Variants in ATE1 observed in about 807,000 individuals in gnomAD.
ATE1 encodes the protein arginyltransferase 1.
Under a neutral mutation model 70.5 loss-of-function variants are expected in ATE1, and 36 were observed. The observed-to-expected ratio is 0.51, with a 90% CI of 0.39 to 0.67. ATE1 has a LOEUF of 0.67. Among genes scored for constraint, ATE1 ranks in the 30% least tolerant of loss-of-function variants. ATE1 has a pLI of 0.00. For synonymous variants in ATE1, 232 were observed against 219.3 expected, an observed-to-expected ratio of 1.06 and a Z score of -0.51; for missense variants, 593 against 629.5, an observed-to-expected ratio of 0.94 and a Z score of 0.62.
chr10:121,857,814 A>C (rs1278020747), intron 8 of ATE1, among the ~76,000 whole-genome samples: 1 of 152,154 alleles, frequency 6.6e-6, no homozygotes, highest in Non-Finnish European at 1.5e-5. Flanking sequence ...TCCAAGACAG[A>C]AACTACGTAC....
intron 11 of ATE1, among the ~76,000 whole-genome samples, chr10:121,770,042 T>C (rs1945438007): frequency 6.6e-6 from 1 of 152,198 alleles, no homozygotes; most frequent in Non-Finnish European, 1.5e-5. Context: ...TAAAAACCTG[T>C]AGACAAATGT....
At chr10:121,854,828 G>A (rs918549095) in intron 8 of ATE1, among the ~76,000 whole-genome samples, 2 of 152,102 alleles carry the variant, frequency 1.3e-5, no homozygotes, top group Admixed American at 1.3e-4. Flanking sequence ...AGAAAGCAAG[G>A]CCCAATACAG....
intron 3 of ATE1, among the ~76,000 whole-genome samples, 156 bp downstream of exon 3, chr10:121,922,193 C>T (rs1433346984): frequency 6.6e-6 from 1 of 152,084 alleles, no homozygotes; most frequent in Non-Finnish European, 1.5e-5. Context: ...ATAAATACAG[C>T]ATCAGTATGA....
chr10:121,760,115 A>G (rs889067345), intron 11 of ATE1, among the ~76,000 whole-genome samples: 3 of 152,216 alleles, frequency 2.0e-5, no homozygotes, highest in Non-Finnish European at 1.5e-5. Flanking sequence ...ATTCCTTACC[A>G]AATACTGCTC....
Position 121,927,967 on chromosome 10 carries a change from C to T in ATE1, c.-18G>A. 3.3e-6 allele frequency: 5 copies of T among 1,507,382 alleles called. No homozygotes were observed. The highest frequency in any genetic ancestry group is 4.4e-6 in the Non-Finnish European group (5 of 1,127,756). The allele number at this position is 1,507,382 out of a possible 1,614,324, so 93.4% of individuals were successfully genotyped here. A position where few individuals can be genotyped will look rare whatever the true frequency, so the allele number is the denominator to read the frequency against. On this transcript the variant is annotated 5_prime_UTR_variant, in exon 1 of 12. Transcript: ENST00000224652. ...AAAGCCATGGCCTCGGCCCCGCGAA[C>T]GCTCAGCCGCCCGGCCCCGCGTCGC...
chr10:121,894,919 A>T (rs1195634200), intron 7 of ATE1, among the ~76,000 whole-genome samples: 1 of 152,070 alleles, frequency 6.6e-6, no homozygotes, highest in Non-Finnish European at 1.5e-5. Context: ...AATAAATAAA[A>T]AATAAAATGA....
At chr10:121,875,339 T>C (rs904799135) in intron 7 of ATE1, among the ~76,000 whole-genome samples, 4 of 146,002 alleles carry the variant, frequency 2.7e-5, no homozygotes, top group African/African-American at 1.0e-4. Flanking sequence ...AGTCTTGCTC[T>C]TGTCCCCCAG....
rs1454207068 is a variant in ATE1 at position 121,741,099 on chromosome 10, T to A, written c.*2581A>T. On this transcript the variant is annotated 3_prime_UTR_variant, in exon 12 of 12. Transcript: ENST00000224652. The stretch of plus-strand genomic sequence containing the variant: ...ATTGCAAATGCAAAGCTTCCTGCCT[T>A]GGAAAGATATAAACTGTCTTTGAAA... The A allele has an allele frequency of 6.6e-6, 1 of 152,208 alleles. No homozygotes were observed. Among genetic ancestry groups the A allele is most frequent in the African/African-American group, 2.4e-5 (1 of 41,466 alleles). The allele number at this position is 152,208 out of a possible 1,614,324, so 9.4% of individuals were successfully genotyped here.
Position 121,767,070 on chromosome 10 carries a change from T to C in ATE1, c.1378+23099A>G, listed in dbSNP as rs186533855. ...CAGAACTCAGTAACATACAGAAGAA[T>C]TACACACCATGACCAGCAGGGCTTA... On this transcript the variant is annotated intron_variant, in intron 11 of 11. Transcript: ENST00000224652. Among the ~76,000 whole-genome samples, 9 of 152,230 alleles carry C rather than the reference T, an allele frequency of 5.9e-5. No individual in the cohort carries two copies. In the East Asian group the frequency reaches 1.4e-3, roughly 23 times the overall value.
At chr10:121,771,953 A>G (rs1295718373) in intron 11 of ATE1, among the ~76,000 whole-genome samples, 1 of 152,216 alleles carries the variant, frequency 6.6e-6, no homozygotes, top group African/African-American at 2.4e-5. Context: ...TAACCATTTA[A>G]AAGTGGTGCT....
At chr10:121,790,406 GT>G in intron 10 of ATE1, 117 bp from the exon 11 acceptor site, 1 of 1,315,790 alleles carries the variant, frequency 7.6e-7, no homozygotes. Context: ...ACCAGAAACT[GT>G]TTTACTGTAA....
At chr10:121,745,605 T>C (rs1006110061) in intron 11 of ATE1, among the ~76,000 whole-genome samples, 1 of 152,068 alleles carries the variant, frequency 6.6e-6, no homozygotes, top group Non-Finnish European at 1.5e-5. Flanking sequence ...CGGGCGCCTG[T>C]AGTCCCAGCT....
intron 7 of ATE1, among the ~76,000 whole-genome samples, chr10:121,892,322 T>C (rs10887014): frequency 0.13 from 20,013 of 151,984 alleles, 1,515 homozygotes; most frequent in East Asian, 0.18. Flanking sequence ...TCCCTGTTAA[T>C]GAGCCCCAAA....
In ATE1 at chr10:121,865,651, G is replaced by A. The variant is rs553239757; in HGVS notation, c.975+4355C>T. On this transcript the variant is annotated intron_variant, in intron 8 of 11. Coordinates refer to ENST00000224652, the MANE Select transcript of ATE1 (RefSeq NM_001001976.3). Reference sequence around the variant, plus strand: ...CATATCAGCAGCTACAGAGCCACCCGAAATTAGGGATCTAATGGAAATATG... The same window carrying A: ...CATATCAGCAGCTACAGAGCCACCCAAAATTAGGGATCTAATGGAAATATG... Among the ~76,000 whole-genome samples the A allele has an allele frequency of 2.6e-3, 393 of 152,270 alleles. 2 individuals are homozygous for A. The highest frequency in any genetic ancestry group is 3.2e-3 in the Non-Finnish European group (215 of 68,028).
At position 121,743,430 on chromosome 10, in the gene ATE1, G is replaced by T; in HGVS notation, c.*250C>A. 1.6e-6 allele frequency: 1 copy of T among 607,890 alleles called. No homozygotes were observed. 37.7% of individuals were successfully genotyped at this position (607,890 alleles called of 1,614,324 possible). ...GAGAATTTGAGCGTATCTTGCTCTA[G>T]AAAGAATCCTCCAAAATGATAAATC... On this transcript the variant is annotated 3_prime_UTR_variant, in exon 12 of 12. Transcript: ENST00000224652.
chr10:121,763,660 T>C (rs1945150876), intron 11 of ATE1, among the ~76,000 whole-genome samples: 2 of 152,130 alleles, frequency 1.3e-5, no homozygotes, highest in Non-Finnish European at 2.9e-5. Context: ...AACTCCTCTG[T>C]AGGATACACG....
At chr10:121,752,813 T>C (rs774590937) in intron 11 of ATE1, among the ~76,000 whole-genome samples, 4 of 152,172 alleles carry the variant, frequency 2.6e-5, no homozygotes, top group Admixed American at 6.5e-5. Flanking sequence ...TTTTTAAAGA[T>C]TGTTTTGGCT....
chr10:121,759,460 A>G (rs1277322911), intron 11 of ATE1, among the ~76,000 whole-genome samples: 1 of 152,200 alleles, frequency 6.6e-6, no homozygotes, highest in Non-Finnish European at 1.5e-5. Context: ...ATGGTGGCTG[A>G]CGCCTGTAAT....
chr10:121,913,916 T>G (rs1334467697), intron 3 of ATE1, 23 bp from the exon 4 acceptor site: 1 of 1,568,918 alleles, frequency 6.4e-7, no homozygotes, highest in Non-Finnish European at 8.7e-7. Flanking sequence ...AATAAATATT[T>G]AAAAAGTGAA....
Sources: gnomAD v4.1 joint callset for allele counts (sites outside exome capture counted in the v4.1 genomes callset) on GRCh38, gnomAD v4.1.1 for gene constraint, MANE v1.5 for transcripts, NCBI Gene and HGNC (gene_info 2026-07-23, HGNC 2026-07-21) for gene names.